ETV6: variants seen among roughly 807,000 people sequenced by gnomAD.
The protein encoded by ETV6 is ETS variant transcription factor 6.
A neutral mutation model predicts 51.1 loss-of-function variants in ETV6; 16 were observed. That is an observed-to-expected ratio of 0.31 (90% CI 0.21 to 0.48). ETV6 has a LOEUF of 0.48. ETV6 is among the 20% of genes least tolerant of loss of function. The pLI, the probability that ETV6 is intolerant of heterozygous loss-of-function variation, is 0.99. For synonymous variants in ETV6, 240 were observed against 224.1 expected (o/e 1.07, Z -0.64); for missense variants, 458 against 594.8 (o/e 0.77, Z 2.39).
chr12:11,696,544 C>T (rs773620635), intron 1 of ETV6, among the ~76,000 whole-genome samples: 3 of 152,166 alleles, frequency 2.0e-5, no homozygotes, highest in Non-Finnish European at 2.9e-5. Context: ...CCCAGCCAGG[C>T]GCAGTGGCTC....
chr12:11,857,400 T>C (rs1022048286), intron 4 of ETV6, among the ~76,000 whole-genome samples: 1 of 152,222 alleles, frequency 6.6e-6, no homozygotes, highest in Non-Finnish European at 1.5e-5. Flanking sequence ...TGTGAACATT[T>C]GTTACCTCTA....
At chr12:11,755,309 A>T (rs1488007996) in intron 2 of ETV6, among the ~76,000 whole-genome samples, 1 of 152,178 alleles carries the variant, frequency 6.6e-6, no homozygotes, top group Non-Finnish European at 1.5e-5. Flanking sequence ...TTTCCATTTC[A>T]TCAGTAGTTA....
intron 4 of ETV6, among the ~76,000 whole-genome samples, chr12:11,868,505 T>C (rs976705091): frequency 3.3e-5 from 5 of 150,398 alleles, no homozygotes; most frequent in African/African-American, 1.2e-4. Flanking sequence ...TGGTGTGATC[T>C]TGGCTCGCTG....
intron 2 of ETV6, among the ~76,000 whole-genome samples, chr12:11,768,372 C>T (rs1224987292): frequency 6.6e-6 from 1 of 152,186 alleles, no homozygotes; most frequent in Admixed American, 6.5e-5. Flanking sequence ...ATTCTCCCAG[C>T]AAGCCTGGCA....
Position 11,865,657 on chromosome 12 carries a change from A to G in ETV6, c.464-3767A>G, listed in dbSNP as rs1398641655. Among the ~76,000 whole-genome samples the G allele has an allele frequency of 2.0e-5, 3 of 148,472 alleles. No homozygotes were observed. The East Asian group carries it at 5.8e-4, about 29-fold the overall frequency. On this transcript the variant is annotated intron_variant, in intron 4 of 7. Coordinates refer to ENST00000396373, the MANE Select transcript of ETV6 (RefSeq NM_001987.5). ...TACTTATATAGTATTAGTATATACT[A>G]TATATCATATATACTATAATCATAT... is the stretch of plus-strand genomic sequence containing the variant.
At chr12:11,776,779 C>G (rs1945332014) in intron 2 of ETV6, among the ~76,000 whole-genome samples, 1 of 152,194 alleles carries the variant, frequency 6.6e-6, no homozygotes, top group Non-Finnish European at 1.5e-5. Flanking sequence ...CACTTTTGCT[C>G]TTTGGCTCAC....
chr12:11,893,780 C>A lies in ETV6; in HGVS notation c.*2734C>A, dbSNP rs1264412338. On this transcript the variant is annotated 3_prime_UTR_variant, in exon 8 of 8. Coordinates refer to ENST00000396373, the MANE Select transcript of ETV6 (RefSeq NM_001987.5). The stretch of plus-strand genomic sequence containing the variant: ...TGTGTTTAGACTTTGTGTCCATCCC[C>A]AAGATCTCTCATTTTATATATATAT... 1 of 157,550 alleles carries A rather than the reference C, an allele frequency of 6.3e-6. No homozygotes were observed. The highest frequency in any genetic ancestry group is 1.3e-5 in the Non-Finnish European group (1 of 79,390). 9.8% of individuals were successfully genotyped at this position (157,550 alleles called of 1,614,324 possible).
In ETV6 at chr12:11,731,613, G is replaced by A. The variant is rs541889920; in HGVS notation, c.34-20837G>A. On this transcript the variant is annotated intron_variant, in intron 1 of 7. Coordinates refer to ENST00000396373, the MANE Select transcript of ETV6 (RefSeq NM_001987.5). ...TTCAGAAAAACATGGGACGGAACAGGAAGTGTTTACAGGTTTAGTCATACT... is the reference window on the plus strand; with the variant it reads ...TTCAGAAAAACATGGGACGGAACAGAAAGTGTTTACAGGTTTAGTCATACT... Among the ~76,000 whole-genome samples, 206 of 152,192 alleles carry A rather than the reference G, an allele frequency of 1.4e-3. 1 individual carries two copies. The highest frequency in any genetic ancestry group is 2.4e-3 in the Non-Finnish European group (160 of 67,986).
At chr12:11,847,737 A>G (rs1253791969) in intron 3 of ETV6, among the ~76,000 whole-genome samples, 1 of 152,072 alleles carries the variant, frequency 6.6e-6, no homozygotes, top group Non-Finnish European at 1.5e-5. Flanking sequence ...GAAGGTGAGG[A>G]AGTGGTGAGA....
chr12:11,792,461 G>T lies in ETV6; in HGVS notation c.163+39882G>T, dbSNP rs144133139. Among the ~76,000 whole-genome samples, 826 of 152,312 alleles carry T rather than the reference G, an allele frequency of 5.4e-3. 10 individuals are homozygous for T. Among genetic ancestry groups the T allele is most frequent in the African/African-American group, 0.019 (784 of 41,554 alleles). On this transcript the variant is annotated intron_variant, in intron 2 of 7. Transcript: ENST00000396373. ...CTCAGCACTTTGGGAGGCCGAGGTG[G>T]GTGGATCATGAGGTCAGGAGTTCGA...
chr12:11,856,473 T>G (rs578213435), intron 4 of ETV6, among the ~76,000 whole-genome samples: 3 of 152,266 alleles, frequency 2.0e-5, no homozygotes, highest in Non-Finnish European at 4.4e-5. Flanking sequence ...AGTGAACAGG[T>G]GCACACAACA....
At chr12:11,796,658 C>T (rs965000060) in intron 2 of ETV6, among the ~76,000 whole-genome samples, 7 of 152,132 alleles carry the variant, frequency 4.6e-5, no homozygotes, top group South Asian at 2.1e-4. Flanking sequence ...TGCGTGGGGC[C>T]GATCAAGGAC....
chr12:11,886,627 G>A (rs1038293286), intron 7 of ETV6, among the ~76,000 whole-genome samples: 1 of 152,172 alleles, frequency 6.6e-6, no homozygotes. Context: ...ATGCATCGTA[G>A]TCAGAATAAG....
chr12:11,855,621 A>T (rs551883051), intron 4 of ETV6, among the ~76,000 whole-genome samples: 1 of 152,140 alleles, frequency 6.6e-6, no homozygotes, highest in African/African-American at 2.4e-5. Flanking sequence ...TGTTTTTCCT[A>T]ATTAACACTT....
chr12:11,661,044 C>T (rs560016779), intron 1 of ETV6, among the ~76,000 whole-genome samples: 1 of 152,318 alleles, frequency 6.6e-6, no homozygotes, highest in East Asian at 1.9e-4. Context: ...TGCTGAACTA[C>T]AGTGGCGTGA....
chr12:11,688,759 C>G (rs1045154722), intron 1 of ETV6, among the ~76,000 whole-genome samples: 4 of 152,200 alleles, frequency 2.6e-5, no homozygotes, highest in African/African-American at 9.7e-5. Flanking sequence ...GCCTTAGCTG[C>G]TCCTTGAGGT....
chr12:11,777,970 C>T (rs1945355787), intron 2 of ETV6, among the ~76,000 whole-genome samples: 1 of 152,190 alleles, frequency 6.6e-6, no homozygotes, highest in Admixed American at 6.5e-5. Flanking sequence ...ATCACCAGTG[C>T]ATTCCCCCAG....
chr12:11,779,928 A>C (rs1945387872), intron 2 of ETV6, among the ~76,000 whole-genome samples: 1 of 152,242 alleles, frequency 6.6e-6, no homozygotes, highest in South Asian at 2.1e-4. Context: ...TGAGCTGATA[A>C]AATTTACAAG....
At chr12:11,818,005 G>T (rs1177142560) in intron 2 of ETV6, among the ~76,000 whole-genome samples, 2 of 152,196 alleles carry the variant, frequency 1.3e-5, no homozygotes, top group African/African-American at 4.8e-5. Context: ...AAAGCATGTT[G>T]CAGACAGACG....
Sources: allele counts gnomAD v4.1 joint callset (sites outside exome capture counted in the v4.1 genomes callset), GRCh38; gene constraint gnomAD v4.1.1; transcripts MANE v1.5; gene names NCBI Gene and HGNC (gene_info 2026-07-23, HGNC 2026-07-21).